The following ACTR2 variants were observed in gnomAD, a reference collection of about 807,000 sequenced individuals.
ACTR2 encodes actin related protein 2, also known as actin-related protein 2.
Under a neutral mutation model 50.2 loss-of-function variants are expected in ACTR2, and 5 were observed. That is an observed-to-expected ratio of 0.10 (90% confidence interval 0.05 to 0.21). The LOEUF (loss-of-function observed/expected upper bound fraction) is 0.21. Ranked by LOEUF, ACTR2 falls within the 10% of genes least tolerant of loss-of-function variation. ACTR2 has a pLI of 1.00. For missense variants in ACTR2, 180 were observed against 480.6 expected, an observed-to-expected ratio of 0.37 and a Z score of 5.85; for synonymous variants, 140 against 162.9, an observed-to-expected ratio of 0.86 and a Z score of 1.07.
At chr2:65,243,575 G>T (rs1406505559) in intron 2 of ACTR2, among the ~76,000 whole-genome samples, 1 of 152,166 alleles carries the variant, frequency 6.6e-6, no homozygotes, top group Non-Finnish European at 1.5e-5. Context: ...GCTGCAGTGG[G>T]TGATGACAGG....
rs568413016 is a variant in ACTR2 at position 65,244,981 on chromosome 2, C to T, written c.160-1543C>T. Among the ~76,000 whole-genome samples the T allele has an allele frequency of 4.0e-5, 6 of 149,988 alleles. No individual in the cohort carries two copies. In the South Asian group the frequency reaches 1.0e-3, roughly 26 times the overall value. On this transcript the variant is annotated intron_variant, in intron 2 of 8. Transcript: ENST00000260641. ...AAAAGAGTGTAAACATTTAATATTT[C>T]AGATATTTGAGTAATAAGTTAGTAA...
At chr2:65,235,169 GGTGTGT>G (rs35663752) in intron 1 of ACTR2, among the ~76,000 whole-genome samples, 9 of 149,810 alleles carry the variant, frequency 6.0e-5, no homozygotes, top group East Asian at 1.9e-4. Context: ...GTGTGTGAGA[GGTGTGT>G]GTGTGTGTGT....
At chr2:65,242,831 ATC>A (rs1252030951) in intron 2 of ACTR2, among the ~76,000 whole-genome samples, 1 of 152,202 alleles carries the variant, frequency 6.6e-6, no homozygotes, top group African/African-American at 2.4e-5. Flanking sequence ...GTTTGTAAGA[ATC>A]TCTGACAAAA....
chr2:65,258,784 C>A (rs1378847296), intron 6 of ACTR2, among the ~76,000 whole-genome samples: 2 of 152,068 alleles, frequency 1.3e-5, no homozygotes, highest in African/African-American at 4.8e-5. Flanking sequence ...GAAAACTTGA[C>A]CCCATGCTGG....
At chr2:65,261,706 C>G (rs1480450939) in intron 7 of ACTR2, among the ~76,000 whole-genome samples, 2 of 152,208 alleles carry the variant, frequency 1.3e-5, no homozygotes, top group African/African-American at 2.4e-5. Flanking sequence ...GATAAAGATA[C>G]TCTCTTACAT....
chr2:65,255,287 G>A (rs754204389), intron 5 of ACTR2, among the ~76,000 whole-genome samples: 4 of 152,094 alleles, frequency 2.6e-5, no homozygotes, highest in Non-Finnish European at 4.4e-5. Flanking sequence ...TAGTACTCAT[G>A]CAGTGCTTTT....
At chr2:65,245,574 T>A (rs1345964095) in intron 2 of ACTR2, among the ~76,000 whole-genome samples, 3 of 152,182 alleles carry the variant, frequency 2.0e-5, no homozygotes, top group Non-Finnish European at 4.4e-5. Flanking sequence ...TCTCCATAAT[T>A]AAAACTTAAC....
intron 1 of ACTR2, among the ~76,000 whole-genome samples, chr2:65,232,427 A>G (rs34269329): frequency 0.13 from 20,140 of 152,214 alleles, 1,864 homozygotes; most frequent in Non-Finnish European, 0.2. Context: ...ATGCTACTTT[A>G]TATGTTGAAT....
At chr2:65,255,111 C>T (rs902487942) in intron 5 of ACTR2, among the ~76,000 whole-genome samples, 1 of 152,006 alleles carries the variant, frequency 6.6e-6, no homozygotes, top group Admixed American at 6.6e-5. Context: ...CTAATATGTG[C>T]CAGACACAGT....
Position 65,261,321 on chromosome 2 carries a change from G to A in ACTR2, c.810G>A (p.Leu270=), listed in dbSNP as rs1255877926. 6.2e-7 allele frequency: 1 copy of A among 1,614,084 alleles called. No individual in the cohort carries two copies. The highest frequency in any genetic ancestry group is 1.7e-5 in the Admixed American group (1 of 60,006). ...CAGAAGCTTTATTTCAGCCTCACTT[G>A]ATCAATGTTGAAGGAGTTGGTGTTG... ...EAPEALFQPH[L]INVEGVGVAE... Residue 270 remains leucine (L), a synonymous_variant, in exon 7 of 9, where the codon TTG becomes TTA. Coordinates refer to ENST00000260641, the MANE Select transcript of ACTR2 (RefSeq NM_005722.4).
intron 8 of ACTR2, among the ~76,000 whole-genome samples, chr2:65,267,777 TAAAAG>T (rs956524086): frequency 4.0e-5 from 6 of 149,890 alleles, no homozygotes; most frequent in African/African-American, 1.2e-4. Context: ...AAGCTTTGCT[TAAAAG>T]AAAAGAACTT....
chr2:65,232,424 T>G (rs747263267), intron 1 of ACTR2, among the ~76,000 whole-genome samples: 1 of 152,226 alleles, frequency 6.6e-6, no homozygotes, highest in African/African-American at 2.4e-5. Context: ...CTTATGCTAC[T>G]TTATATGTTG....
chr2:65,267,917 A>T (rs1672410062), intron 8 of ACTR2, among the ~76,000 whole-genome samples: 1 of 107,762 alleles, frequency 9.3e-6, no homozygotes, highest in African/African-American at 3.5e-5. Flanking sequence ...GCTCACTGCA[A>T]GCTCCACCTC....
chr2:65,231,864 A>G (rs765102245), intron 1 of ACTR2, among the ~76,000 whole-genome samples: 2 of 152,166 alleles, frequency 1.3e-5, no homozygotes, highest in Non-Finnish European at 2.9e-5. Flanking sequence ...AAAAATCACC[A>G]AAAAAATTTC....
rs70943640 is a variant in ACTR2 at position 65,267,862 on chromosome 2, C to CTTTTTTTTTTT, written c.1015-684_1015-674dup. Reference sequence around the variant, plus strand: ...ACCTTGAAGAAGTCATGCAAGTCCTCTTTTTTTTTTTTTTTTTTTTTTTTT... The same window carrying CTTTTTTTTTTT: ...ACCTTGAAGAAGTCATGCAAGTCCTCTTTTTTTTTTTTTTTTTTTTTTTTTTTTTTTTTTTT... On this transcript the variant is annotated intron_variant, in intron 8 of 8. Transcript: ENST00000260641. Among the ~76,000 whole-genome samples the CTTTTTTTTTTT allele has an allele frequency of 8.3e-3, 395 of 47,414 alleles. 90 individuals are homozygous for CTTTTTTTTTTT. Among genetic ancestry groups the CTTTTTTTTTTT allele is most frequent in the Non-Finnish European group, 0.011 (289 of 26,198 alleles). 31.1% of individuals were successfully genotyped at this position (47,414 alleles called of 152,430 possible). A position where few individuals can be genotyped will look rare whatever the true frequency, so the allele number is the denominator to read the frequency against.
chr2:65,248,589 G>A (rs1034677984), intron 3 of ACTR2, among the ~76,000 whole-genome samples: 18 of 152,248 alleles, frequency 1.2e-4, no homozygotes, highest in Non-Finnish European at 1.8e-4. Context: ...AGTAGTAGTA[G>A]TAGAGATAGT....
chr2:65,236,647 C>T (rs1378371004), intron 1 of ACTR2, among the ~76,000 whole-genome samples: 2 of 151,968 alleles, frequency 1.3e-5, no homozygotes, highest in African/African-American at 2.4e-5. Flanking sequence ...GTGGCGTGAT[C>T]TCAGCTCACT....
rs1442756338 is a variant in ACTR2 at position 65,269,374 on chromosome 2, CG to C, written c.*641del. ...TTTTGAGGTTTTGTCAACTGGAGTA[CG>C]TAGAGGAACTTTATTTACAGTACTT... is the stretch of plus-strand genomic sequence containing the variant. On this transcript the variant is annotated 3_prime_UTR_variant, in exon 9 of 9. Coordinates refer to ENST00000260641, the MANE Select transcript of ACTR2 (RefSeq NM_005722.4). The C allele has an allele frequency of 1.3e-5, 2 of 152,014 alleles. No individual in the cohort carries two copies. The highest frequency in any genetic ancestry group is 4.8e-5 in the African/African-American group (2 of 41,380). The allele number at this position is 152,014 out of a possible 1,614,324, so 9.4% of individuals were successfully genotyped here. A position where few individuals can be genotyped will look rare whatever the true frequency, so the allele number is the denominator to read the frequency against.
chr2:65,238,525 G>C (rs983974353), intron 1 of ACTR2, among the ~76,000 whole-genome samples: 8 of 151,846 alleles, frequency 5.3e-5, no homozygotes, highest in African/African-American at 1.7e-4. Context: ...TGGGTATGGT[G>C]GTGGGCGCCT....
Sources: allele counts gnomAD v4.1 joint callset (sites outside exome capture counted in the v4.1 genomes callset), GRCh38; gene constraint gnomAD v4.1.1; transcripts MANE v1.5; gene names NCBI Gene and HGNC (gene_info 2026-07-23, HGNC 2026-07-21).